CNTN1: variants seen among roughly 807,000 people sequenced by gnomAD.
The protein encoded by CNTN1 is contactin-1.
A neutral mutation model predicts 126.4 loss-of-function variants in CNTN1; 38 were observed. That is an observed-to-expected ratio of 0.30 (90% CI 0.23 to 0.39). The LOEUF is 0.39. CNTN1 is among the 10% of genes least tolerant of loss of function. The pLI is 1.00. For synonymous variants in CNTN1, 413 were observed against 422.6 expected (o/e 0.98, Z 0.28); for missense variants, 1,009 against 1,248.4 (o/e 0.81, Z 2.89).
intron 5 of CNTN1, among the ~76,000 whole-genome samples, chr12:40,922,830 G>A (rs1945495980): frequency 6.6e-6 from 1 of 151,982 alleles, no homozygotes; most frequent in South Asian, 2.1e-4. Context: ...AATTAGCTGG[G>A]CGTTGTGGTG....
intron 14 of CNTN1, among the ~76,000 whole-genome samples, chr12:40,948,303 A>ACAATT (rs1265527457): frequency 1.3e-5 from 1 of 74,356 alleles, no homozygotes; most frequent in Non-Finnish European, 2.4e-5. Context: ...CTCATTTTTC[A>ACAATT]CAATTTAATA....
At chr12:40,702,136 C>T (rs1373319783) in intron 1 of CNTN1, among the ~76,000 whole-genome samples, 1 of 148,514 alleles carries the variant, frequency 6.7e-6, no homozygotes, top group Non-Finnish European at 1.5e-5. Flanking sequence ...GGGTCTTGCT[C>T]TGTTGCCCAG....
intron 1 of CNTN1, among the ~76,000 whole-genome samples, chr12:40,737,251 G>A (rs921323747): frequency 2.0e-5 from 3 of 148,950 alleles, no homozygotes; most frequent in Non-Finnish European, 4.5e-5. Flanking sequence ...TATTAGTCAG[G>A]GTTCTCTAGA....
At chr12:40,784,172 A>C (rs1353105180) in intron 1 of CNTN1, among the ~76,000 whole-genome samples, 2 of 152,130 alleles carry the variant, frequency 1.3e-5, no homozygotes, top group Non-Finnish European at 2.9e-5. Flanking sequence ...AGAAAATATA[A>C]TTTCTGAATT....
chr12:40,933,608 T>C, intron 8 of CNTN1, 48 bp downstream of exon 8: 1 of 1,531,112 alleles, frequency 6.5e-7, no homozygotes, highest in Admixed American at 1.7e-5. Context: ...TAGTACCATT[T>C]TAGGAAATAA....
chr12:40,870,743 T>TGCAC (rs145254989), intron 1 of CNTN1, among the ~76,000 whole-genome samples: 2,915 of 152,076 alleles, frequency 0.019, 96 homozygotes, highest in African/African-American at 0.067. Flanking sequence ...ATAAGACACA[T>TGCAC]GCACGCACAC....
At chr12:41,040,925 G>T (rs1454996119) in intron 23 of CNTN1, among the ~76,000 whole-genome samples, 2 of 143,186 alleles carry the variant, frequency 1.4e-5, no homozygotes, top group Admixed American at 7.0e-5. Context: ...CTGCCTAATT[G>T]CCCTGGCCAG....
At chr12:40,805,774 A>G (rs1038760616) in intron 1 of CNTN1, among the ~76,000 whole-genome samples, 5 of 152,008 alleles carry the variant, frequency 3.3e-5, no homozygotes, top group Admixed American at 2.6e-4. Context: ...GTAGAGGCTG[A>G]GGTCAATGGT....
chr12:40,717,168 A>T (rs544624925), intron 1 of CNTN1, among the ~76,000 whole-genome samples: 6 of 152,290 alleles, frequency 3.9e-5, no homozygotes, highest in African/African-American at 1.4e-4. Flanking sequence ...TGAGATCAAA[A>T]CCTGAACCCA....
chr12:40,932,952 A>G (rs1945942521), intron 7 of CNTN1, among the ~76,000 whole-genome samples: 1 of 151,378 alleles, frequency 6.6e-6, no homozygotes, highest in Admixed American at 6.6e-5. Context: ...TCTAGTTTGA[A>G]GAGTGCTGTG....
chr12:40,913,171 A>C (rs913785817), intron 3 of CNTN1, among the ~76,000 whole-genome samples: 3 of 152,196 alleles, frequency 2.0e-5, no homozygotes, highest in Admixed American at 1.3e-4. Context: ...CAAGTTTTTG[A>C]GGCCAACTCC....
intron 1 of CNTN1, among the ~76,000 whole-genome samples, chr12:40,897,899 A>C (rs925768155): frequency 6.6e-6 from 1 of 152,218 alleles, no homozygotes; most frequent in African/African-American, 2.4e-5. Flanking sequence ...CTGTGAAAGA[A>C]ACAAAAGTTC....
chr12:40,727,295 C>T lies in CNTN1; in HGVS notation c.-77+34703C>T, dbSNP rs116805144. Among the ~76,000 whole-genome samples, 71 of 151,374 alleles carry T rather than the reference C, an allele frequency of 4.7e-4. 1 individual carries two copies. Among genetic ancestry groups the T allele is most frequent in the African/African-American group, 1.7e-3 (69 of 41,388 alleles). Reference sequence around the variant, plus strand: ...TTTTTAGTCATTATGTTTAAAATGACATAAAGCTGTAAATAAAATGAGAAG... The same window carrying T: ...TTTTTAGTCATTATGTTTAAAATGATATAAAGCTGTAAATAAAATGAGAAG... On this transcript the variant is annotated intron_variant, in intron 1 of 23. Transcript: ENST00000551295.
chr12:40,983,140 C>T (rs1213546661), intron 16 of CNTN1, among the ~76,000 whole-genome samples: 1 of 152,028 alleles, frequency 6.6e-6, no homozygotes, highest in Admixed American at 6.6e-5. Flanking sequence ...GTAATAGCCA[C>T]TGCTGCTTTC....
At chr12:40,971,695 T>A in intron 15 of CNTN1, 1 of 1,391,834 alleles carries the variant, frequency 7.2e-7, no homozygotes, top group Non-Finnish European at 9.2e-7. Flanking sequence ...AAAATATAAC[T>A]ATAATGCTTC....
chr12:41,028,192 C>T (rs1474456794), intron 22 of CNTN1, among the ~76,000 whole-genome samples: 6 of 152,084 alleles, frequency 3.9e-5, no homozygotes, highest in South Asian at 4.2e-4. Flanking sequence ...CACCCACACC[C>T]GGCTAATTTT....
At chr12:41,054,467 G>A (rs1949758734) in intron 23 of CNTN1, among the ~76,000 whole-genome samples, 1 of 151,976 alleles carries the variant, frequency 6.6e-6, no homozygotes, top group South Asian at 2.1e-4. Context: ...TATGATTAGA[G>A]TATCTGCTTT....
In CNTN1 at chr12:41,061,686, G is replaced by A. The variant is rs73126951; in HGVS notation, c.2981-8273G>A. 9.8e-3 allele frequency: 3,912 copies of A among 397,700 alleles called. 143 individuals carry two copies. The highest frequency in any genetic ancestry group is 0.076 in the African/African-American group (3,598 of 47,294). The allele number at this position is 397,700 out of a possible 1,614,324, so 24.6% of individuals were successfully genotyped here. ...GCTTGATATTCTCAAATATATTATG[G>A]TTTGCCTAGAATTACAGACTCAGGG... On this transcript the variant is annotated intron_variant, in intron 23 of 23. Coordinates refer to ENST00000551295, the MANE Select transcript of CNTN1 (RefSeq NM_001843.4).
intron 23 of CNTN1, among the ~76,000 whole-genome samples, chr12:41,044,039 A>G (rs1288543370): frequency 6.8e-6 from 1 of 147,952 alleles, no homozygotes; most frequent in East Asian, 2.0e-4. Flanking sequence ...TAGGAGATAT[A>G]CCTAATGCTA....
Sources: gnomAD v4.1 joint callset for allele counts (sites outside exome capture counted in the v4.1 genomes callset) on GRCh38, gnomAD v4.1.1 for gene constraint, MANE v1.5 for transcripts, NCBI Gene and HGNC (gene_info 2026-07-23, HGNC 2026-07-21) for gene names.